Variants in SYN3 observed in about 807,000 individuals in gnomAD.
SYN3 encodes the protein synapsin-3.
Under a neutral mutation model 65.8 loss-of-function variants are expected in SYN3, and 35 were observed. The ratio of observed to expected loss-of-function variants is 0.53; its 90% CI spans 0.41 to 0.70. SYN3 has a LOEUF of 0.70. SYN3 is among the 30% of genes least tolerant of loss of function. The pLI is 0.00. For missense variants in SYN3, 680 were observed against 749.0 expected, an observed-to-expected ratio of 0.91 and a Z score of 1.08; for synonymous variants, 270 against 292.9, an observed-to-expected ratio of 0.92 and a Z score of 0.80.
intron 6 of SYN3, among the ~76,000 whole-genome samples, chr22:32,651,145 G>A (rs900282902): frequency 6.6e-6 from 1 of 152,192 alleles, no homozygotes; most frequent in Non-Finnish European, 1.5e-5. Flanking sequence ...GCTCTGTATT[G>A]TGAGATAAGA....
At chr22:32,613,462 C>G (rs2059474074) in intron 6 of SYN3, among the ~76,000 whole-genome samples, 1 of 152,084 alleles carries the variant, frequency 6.6e-6, no homozygotes, top group African/African-American at 2.4e-5. Flanking sequence ...ACTTTGAAGC[C>G]ATTCAGAGGG....
chr22:32,557,936 G>T (rs952040197), intron 7 of SYN3, among the ~76,000 whole-genome samples: 1 of 152,212 alleles, frequency 6.6e-6, no homozygotes, highest in East Asian at 1.9e-4. Context: ...CAGGTCAGAA[G>T]TTTTTTCTCT....
chr22:32,920,255 C>T (rs746051751), intron 4 of SYN3, among the ~76,000 whole-genome samples: 2 of 152,198 alleles, frequency 1.3e-5, no homozygotes, highest in African/African-American at 2.4e-5. Context: ...TCTGCCTCCT[C>T]GGGTGTTTTT....
At chr22:32,919,928 A>T (rs555638619) in intron 4 of SYN3, among the ~76,000 whole-genome samples, 13 of 152,120 alleles carry the variant, frequency 8.5e-5, no homozygotes, top group Non-Finnish European at 1.6e-4. Flanking sequence ...GAACTCTAAG[A>T]TTTTATAGAC....
intron 6 of SYN3, among the ~76,000 whole-genome samples, chr22:32,727,683 G>C (rs1052299894): frequency 6.6e-6 from 1 of 152,174 alleles, no homozygotes; most frequent in Admixed American, 6.5e-5. Flanking sequence ...ATTCTGAGTG[G>C]CGTGAGATGG....
chr22:32,689,292 C>G (rs891071102), intron 6 of SYN3, among the ~76,000 whole-genome samples: 90 of 152,156 alleles, frequency 5.9e-4, no homozygotes, highest in Admixed American at 1.6e-3. Flanking sequence ...GACATTGGAG[C>G]CAGACAGACC....
In SYN3 at chr22:32,585,973, T is replaced by C. The variant is rs377750133; in HGVS notation, c.774+10701A>G. On this transcript the variant is annotated intron_variant, in intron 7 of 13. Coordinates refer to ENST00000358763, the MANE Select transcript of SYN3 (RefSeq NM_003490.4). ...ACATATATGTGTATATACGTATATA[T>C]GTATATATGTATGTATACGTATATA... Among the ~76,000 whole-genome samples the C allele has an allele frequency of 4.7e-3, 373 of 80,124 alleles. 1 individual carries two copies. The highest frequency in any genetic ancestry group is 0.017 in the Middle Eastern group (3 of 176). The allele number at this position is 80,124 out of a possible 152,430, so 52.6% of individuals were successfully genotyped here.
At chr22:33,050,231 C>T (rs1168235235) in intron 1 of SYN3, among the ~76,000 whole-genome samples, 1 of 152,056 alleles carries the variant, frequency 6.6e-6, no homozygotes, top group African/African-American at 2.4e-5. Context: ...CCTGTAACCC[C>T]AGCAGTTTGG....
chr22:32,983,740 C>T (rs953147310), intron 2 of SYN3, among the ~76,000 whole-genome samples: 2 of 152,140 alleles, frequency 1.3e-5, no homozygotes, highest in Non-Finnish European at 2.9e-5. Context: ...TCAGCAAATT[C>T]CAGACACCAG....
intron 6 of SYN3, among the ~76,000 whole-genome samples, chr22:32,675,568 C>T (rs981558169): frequency 3.3e-5 from 5 of 152,106 alleles, no homozygotes; most frequent in Non-Finnish European, 7.4e-5. Flanking sequence ...TGCACCCCAC[C>T]CCAGCCCCAG....
intron 7 of SYN3, among the ~76,000 whole-genome samples, chr22:32,582,373 CG>C (rs1188645893): frequency 1.8e-5 from 2 of 108,402 alleles, no homozygotes; most frequent in African/African-American, 2.7e-5. Context: ...TTTTTGAGAC[CG>C]GGTCTCACTC....
intron 4 of SYN3, among the ~76,000 whole-genome samples, chr22:32,878,334 T>G (rs1373169570): frequency 1.3e-5 from 2 of 151,770 alleles, no homozygotes; most frequent in Admixed American, 6.6e-5. Context: ...CCAGAGCTGC[T>G]AAGTCTTCCC....
rs2146357790 is a variant in SYN3 at position 32,871,012 on chromosome 22, A to T, written c.462-1887T>A. On this transcript the variant is annotated intron_variant, in intron 4 of 13. Coordinates refer to ENST00000358763, the MANE Select transcript of SYN3 (RefSeq NM_003490.4). ...AAAACAACACATAAATACATTGTCC[A>T]TGGCCCTGGTTCTGACAATGAGACA... is the stretch of plus-strand genomic sequence containing the variant. Among the ~76,000 whole-genome samples, 2 of 152,336 alleles carry T rather than the reference A, an allele frequency of 1.3e-5. 1 individual carries two copies. The highest frequency in any genetic ancestry group is 4.8e-5 in the African/African-American group (2 of 41,582).
chr22:32,642,672 C>A (rs2059919610), intron 6 of SYN3, among the ~76,000 whole-genome samples: 1 of 152,024 alleles, frequency 6.6e-6, no homozygotes, highest in African/African-American at 2.4e-5. Context: ...TCGTGATCCG[C>A]CCGCCTCGGC....
At chr22:32,762,872 A>AG (rs79515392) in intron 6 of SYN3, among the ~76,000 whole-genome samples, 68,760 of 152,068 alleles carry the variant, frequency 0.45, 16,285 homozygotes, top group East Asian at 0.55. Flanking sequence ...GAGAATGCAC[A>AG]GGGAAGAGCT....
At chr22:32,721,667 G>C (rs1239596846) in intron 6 of SYN3, among the ~76,000 whole-genome samples, 5 of 152,202 alleles carry the variant, frequency 3.3e-5, no homozygotes, top group Non-Finnish European at 1.5e-5. Flanking sequence ...TCCCACTGGT[G>C]GTACAGTGTA....
At chr22:32,883,802 T>C (rs775835470) in intron 4 of SYN3, among the ~76,000 whole-genome samples, 4 of 152,260 alleles carry the variant, frequency 2.6e-5, no homozygotes, top group Non-Finnish European at 5.9e-5. Context: ...TCCTGTCCTA[T>C]GGCGTAGCTA....
At position 32,848,306 on chromosome 22, in the gene SYN3, G is replaced by A. The variant is rs192677761; in HGVS notation, c.711+16609C>T. On this transcript the variant is annotated intron_variant, in intron 6 of 13. Coordinates refer to ENST00000358763, the MANE Select transcript of SYN3 (RefSeq NM_003490.4). ...AATCCTTTCTGCCAGACATTGTAGT[G>A]GGAAATTTCATAAGATCTTTCGTTC... Among the ~76,000 whole-genome samples, 6 of 152,212 alleles carry A rather than the reference G, an allele frequency of 3.9e-5. No individual in the cohort carries two copies. In the East Asian group the frequency reaches 1.2e-3, roughly 29 times the overall value.
At position 32,721,571 on chromosome 22, in the gene SYN3, T is replaced by C. The variant is rs180818475; in HGVS notation, c.712-124835A>G. 1.3e-4 allele frequency among the ~76,000 whole-genome samples: 20 copies of C among 152,304 alleles called. No homozygotes were observed. In the East Asian group the frequency reaches 3.1e-3, roughly 23 times the overall value. On this transcript the variant is annotated intron_variant, in intron 6 of 13. Transcript: ENST00000358763. ...AATGGGCAAATTGAAGCCCAGAGAG[T>C]TAACTTGTTCCAGGACATAGCACAC...
Sources: gnomAD v4.1 joint callset for allele counts (sites outside exome capture counted in the v4.1 genomes callset) on GRCh38, gnomAD v4.1.1 for gene constraint, MANE v1.5 for transcripts, NCBI Gene and HGNC (gene_info 2026-07-23, HGNC 2026-07-21) for gene names.